NOMO1: variants seen among roughly 807,000 people sequenced by gnomAD.
NOMO1 encodes NODAL modulator 1.
In NOMO1, 40 loss-of-function variants were observed where a neutral mutation model predicts 133.8. That is an observed-to-expected ratio of 0.30 (90% CI 0.23 to 0.39). The LOEUF (loss-of-function observed/expected upper bound fraction) is 0.39. Ranked by LOEUF, NOMO1 falls within the 10% of genes least tolerant of loss-of-function variation. The pLI is 1.00. For synonymous variants in NOMO1, 236 were observed against 570.5 expected (o/e 0.41, Z 8.36); for missense variants, 462 against 1,419.9 (o/e 0.33, Z 10.84).
At chr16:14,857,744 C>G (rs559583152) in intron 11 of NOMO1, 89 bp downstream of exon 11, 1 of 1,576,970 alleles carries the variant, frequency 6.3e-7, no homozygotes, top group African/African-American at 1.4e-5. Flanking sequence ...GTGTCTTTGC[C>G]GAGCTTAAGA....
intron 20 of NOMO1, 40 bp from the exon 21 acceptor site, chr16:14,876,319 T>C (rs1448866522): frequency 1.2e-6 from 2 of 1,609,974 alleles, no homozygotes; most frequent in Non-Finnish European, 1.7e-6. Flanking sequence ...CTGTCTCTGC[T>C]ACCAAGCCCC....
intron 13 of NOMO1, 65 bp from the exon 14 acceptor site, chr16:14,864,959 G>A: frequency 1.2e-6 from 2 of 1,609,842 alleles, no homozygotes; most frequent in South Asian, 1.1e-5. Flanking sequence ...CATAGGGTTA[G>A]GATTCAAACC....
chr16:14,889,414 C>T (rs1041661844), intron 29 of NOMO1, among the ~76,000 whole-genome samples, 199 bp downstream of exon 29: 4 of 152,028 alleles, frequency 2.6e-5, no homozygotes, highest in South Asian at 2.1e-4. Context: ...CACCTATAGT[C>T]CCGGCTACTC....
intron 29 of NOMO1, among the ~76,000 whole-genome samples, chr16:14,894,022 CATT>C (rs575611010): frequency 1.1e-3 from 165 of 150,672 alleles, no homozygotes; most frequent in African/African-American, 3.9e-3. Flanking sequence ...TTGTTTTTAT[CATT>C]ATTGGGAAGT....
At position 14,857,656 on chromosome 16, in the gene NOMO1, G is replaced by T; in HGVS notation, c.1220+1G>T. ...AGCTGGCTGACATTATTGCAACAGG[G>T]TAAGCTTATCGTGTGGATTTGGAAG... On this transcript the variant is annotated splice_donor_variant, in intron 11 of 30. Transcript: ENST00000287667. LOFTEE classifies it high-confidence loss of function. 2 of 1,613,710 alleles carry T rather than the reference G, an allele frequency of 1.2e-6. No homozygotes were observed. Among genetic ancestry groups the T allele is most frequent in the East Asian group, 2.2e-5 (1 of 44,870 alleles).
At chr16:14,873,548 C>G (rs1413257155) in intron 18 of NOMO1, among the ~76,000 whole-genome samples, 2 of 148,374 alleles carry the variant, frequency 1.3e-5, no homozygotes, top group African/African-American at 5.0e-5. Context: ...AGGTTTTTAG[C>G]TGGGGGTGGA....
At position 14,846,219 on chromosome 16, in the gene NOMO1, G is replaced by A. The variant is rs1296154680; in HGVS notation, c.403-358G>A. Among the ~76,000 whole-genome samples, 4 of 148,416 alleles carry A rather than the reference G, an allele frequency of 2.7e-5. No homozygotes were observed. The East Asian group carries it at 8.0e-4, about 30-fold the overall frequency. ...TTTTTGTATTTTTAGTAGAGACAGG[G>A]TTTCACCATGTTGGCCAGGCTGGTC... is the stretch of plus-strand genomic sequence containing the variant. On this transcript the variant is annotated intron_variant, in intron 4 of 30. Coordinates refer to ENST00000287667, the MANE Select transcript of NOMO1 (RefSeq NM_014287.4).
chr16:14,888,203 AGAT>A (rs1218367831), intron 28 of NOMO1: 1 of 151,030 alleles, frequency 6.6e-6, no homozygotes, highest in Non-Finnish European at 1.5e-5. Context: ...CCTGCCGTGA[AGAT>A]GATCTACTCT....
chr16:14,857,064 G>T (rs1220489682), intron 9 of NOMO1, among the ~76,000 whole-genome samples, 153 bp from the exon 10 acceptor site: 2 of 152,070 alleles, frequency 1.3e-5, no homozygotes, highest in Non-Finnish European at 2.9e-5. Flanking sequence ...GTGAGAGGGA[G>T]CCTGGCTGGC....
At chr16:14,856,358 GAC>G (rs1285498826) in intron 9 of NOMO1, among the ~76,000 whole-genome samples, 1 of 152,056 alleles carries the variant, frequency 6.6e-6, no homozygotes, top group Non-Finnish European at 1.5e-5. Flanking sequence ...CACAGACACA[GAC>G]ACATGGAGCA....
chr16:14,861,722 C>T (rs1397075842), intron 11 of NOMO1, among the ~76,000 whole-genome samples: 1 of 151,486 alleles, frequency 6.6e-6, no homozygotes, highest in African/African-American at 2.4e-5. Flanking sequence ...TCTAGGACAA[C>T]AGCTGAGATA....
chr16:14,887,826 A>G (rs1191645813), intron 28 of NOMO1, among the ~76,000 whole-genome samples: 1 of 151,844 alleles, frequency 6.6e-6, no homozygotes, highest in Non-Finnish European at 1.5e-5. Context: ...TTTCCTCATG[A>G]TGGGGGATCC....
chr16:14,868,491 A>T, intron 15 of NOMO1, 57 bp from the exon 16 acceptor site: 2 of 1,422,816 alleles, frequency 1.4e-6, no homozygotes, highest in Non-Finnish European at 2.0e-6. Flanking sequence ...AATATTATTA[A>T]TCATCTTGGT....
Position 14,876,757 on chromosome 16 carries a change from C to A in NOMO1, c.2610C>A (p.Phe870Leu). 1 of 1,610,834 alleles carries A rather than the reference C, an allele frequency of 6.2e-7. No individual in the cohort carries two copies. Residue 870 changes from phenylalanine (F) to leucine (L), a missense_variant, in exon 22 of 31, where the codon TTC (phenylalanine) becomes TTA (leucine). Transcript: ENST00000287667. ...LTAVEGTIGD[F>L]KAYALAGVSF... ...CGGTGGAAGGAACCATCGGAGACTT[C>A]AAGGCCTATGCCCTGGCAGGCGTAA...
In NOMO1 at chr16:14,864,574, C is replaced by T. The variant is rs202189442; in HGVS notation, c.1396-11C>T. 1.3e-5 allele frequency: 21 copies of T among 1,612,896 alleles called. No homozygotes were observed. The East Asian group carries it at 2.2e-4, about 17-fold the overall frequency. On this transcript the variant is annotated splice_polypyrimidine_tract_variant and intron_variant, in intron 12 of 30. Coordinates refer to ENST00000287667, the MANE Select transcript of NOMO1 (RefSeq NM_014287.4). ...AATGCAGCCTCTAACGTTCCATCCACGTTTCCACAGGTGATGGTTCCTGAG... is the reference window on the plus strand; with the variant it reads ...AATGCAGCCTCTAACGTTCCATCCATGTTTCCACAGGTGATGGTTCCTGAG...
chr16:14,884,725 A>C (rs1400273378), intron 27 of NOMO1, among the ~76,000 whole-genome samples: 1 of 151,998 alleles, frequency 6.6e-6, no homozygotes, highest in Non-Finnish European at 1.5e-5. Flanking sequence ...ACTGTCTGCC[A>C]TCAGTTAATC....
intron 6 of NOMO1, among the ~76,000 whole-genome samples, chr16:14,851,483 T>C (rs886980506): frequency 1.4e-5 from 2 of 138,872 alleles, no homozygotes; most frequent in African/African-American, 5.3e-5. Flanking sequence ...TAATTGAGCA[T>C]AGAACAATTT....
At position 14,878,740 on chromosome 16, in the gene NOMO1, A is replaced by G. The variant is rs758557956; in HGVS notation, c.2663A>G (p.Gln888Arg). Residue 888 changes from glutamine to arginine, a missense_variant, in exon 23 of 31, where the codon CAG (glutamine) becomes CGG (arginine). Physicochemically the swap from Gln to Arg is conservative, Grantham distance 43 (BLOSUM62 1). Coordinates refer to ENST00000287667, the MANE Select transcript of NOMO1 (RefSeq NM_014287.4). ...VSFEIKAEDD[Q>R]PLPGVLLSLS... ...CCCCAGATAAAAGCTGAGGATGACCAGCCCCTCCCGGGAGTCCTCTTATCC... is the reference window on the plus strand; with the variant it reads ...CCCCAGATAAAAGCTGAGGATGACCGGCCCCTCCCGGGAGTCCTCTTATCC... 1 of 1,611,734 alleles carries G rather than the reference A, an allele frequency of 6.2e-7. No individual in the cohort carries two copies. Among genetic ancestry groups the G allele is most frequent in the Non-Finnish European group, 8.5e-7 (1 of 1,179,816 alleles).
intron 2 of NOMO1, 28 bp downstream of exon 2, chr16:14,838,524 A>T: frequency 6.2e-7 from 1 of 1,611,784 alleles, no homozygotes; most frequent in Non-Finnish European, 8.5e-7. Context: ...GTCACTTATG[A>T]TGGGAAATCA....
Sources: gnomAD v4.1 joint callset for allele counts (sites outside exome capture counted in the v4.1 genomes callset) on GRCh38, gnomAD v4.1.1 for gene constraint, MANE v1.5 for transcripts, NCBI Gene and HGNC (gene_info 2026-07-23, HGNC 2026-07-21) for gene names.